The following POLA1 variants were observed in gnomAD, a reference collection of about 807,000 sequenced individuals.
POLA1 encodes DNA polymerase alpha catalytic subunit.
Under a neutral mutation model 124.0 loss-of-function variants are expected in POLA1, and 15 were observed. The ratio of observed to expected loss-of-function variants is 0.12; its 90% CI spans 0.08 to 0.19. POLA1 has a LOEUF of 0.19. Ranked by LOEUF, POLA1 falls within the 10% of genes least tolerant of loss-of-function variation. The pLI is 1.00. For missense variants in POLA1, 886 were observed against 1,103.4 expected (o/e 0.80, Z 2.79); for synonymous variants, 408 against 389.4 (o/e 1.05, Z -0.56).
chrX:24,812,762 T>C lies in POLA1; in HGVS notation c.3195T>C (p.Val1065=), dbSNP rs1016508756. 6 of 1,202,454 alleles carry C rather than the reference T, an allele frequency of 5.0e-6. No homozygotes were observed. Among genetic ancestry groups the C allele is most frequent in the Non-Finnish European group, 6.8e-6 (6 of 886,933 alleles). ...LLKKKKYAAL[V]VEPTSDGNYV... ...AAAAAAAGAAGTACGCTGCTCTGGT[T>C]GTTGAGCCAACGTCGGATGGGAATT... The change falls in exon 29 of 37, where the codon GTT becomes GTC. Residue 1065 remains valine, a synonymous_variant. Coordinates refer to ENST00000379068, the MANE Select transcript of POLA1 (RefSeq NM_001330360.2).
At chrX:24,786,599 C>T (rs1324775468) in intron 26 of POLA1, among the ~76,000 whole-genome samples, 2 of 108,748 alleles carry the variant, frequency 1.8e-5, no homozygotes, top group African/African-American at 3.4e-5. Context: ...GCCTCAAACT[C>T]CTGGACTCAA....
chrX:24,768,104 A>G (rs1283861691), intron 26 of POLA1, among the ~76,000 whole-genome samples: 3 of 112,360 alleles, frequency 2.7e-5, no homozygotes, highest in East Asian at 2.8e-4. Context: ...ATAGTGTTGT[A>G]TCTTCACAGT....
intron 26 of POLA1, among the ~76,000 whole-genome samples, chrX:24,754,933 T>C (rs756249527): frequency 8.9e-6 from 1 of 112,848 alleles, no homozygotes; most frequent in South Asian, 3.6e-4. Flanking sequence ...ACAGTGTATT[T>C]TTTAATTCTG....
chrX:24,722,615 A>G (rs1457205588), intron 10 of POLA1, among the ~76,000 whole-genome samples: 4 of 113,005 alleles, frequency 3.5e-5, no homozygotes, highest in African/African-American at 1.3e-4. Flanking sequence ...TGGTTTTTAT[A>G]GGTAAATACA....
chrX:24,864,335 T>A lies in POLA1; in HGVS notation c.4047+20658T>A, dbSNP rs1483766511. On this transcript the variant is annotated intron_variant, in intron 34 of 36. Coordinates refer to ENST00000379068, the MANE Select transcript of POLA1 (RefSeq NM_001330360.2). ...TCTTTGTGGGTTAGATTATAGTGTA[T>A]GTAAGCCAAATGAATTTGAGCAAAT... Among the ~76,000 whole-genome samples, 9 of 112,100 alleles carry A rather than the reference T, an allele frequency of 8.0e-5. No homozygotes were observed. In the East Asian group the frequency reaches 2.5e-3, roughly 31 times the overall value.
chrX:24,879,517 C>A (rs1025618676), intron 34 of POLA1, among the ~76,000 whole-genome samples: 5 of 112,013 alleles, frequency 4.5e-5, no homozygotes, highest in Non-Finnish European at 7.5e-5. Context: ...ATCTTGTATT[C>A]TTGTTATTTG....
At position 24,978,324 on chromosome X, in the gene POLA1, C is replaced by T. The variant is rs745372853; in HGVS notation, c.4262-17481C>T. On this transcript the variant is annotated intron_variant, in intron 36 of 36. Coordinates refer to ENST00000379068, the MANE Select transcript of POLA1 (RefSeq NM_001330360.2). The stretch of plus-strand genomic sequence containing the variant: ...ACTTCTGTGTGTACTATCCTTTGAA[C>T]GTTCAAAGGCCTCACAATATTTGTA... 6.3e-5 allele frequency among the ~76,000 whole-genome samples: 7 copies of T among 111,687 alleles called. No homozygotes were observed. The East Asian group carries it at 2.0e-3, about 31-fold the overall frequency.
At position 24,693,970 on chromosome X, in the gene POLA1, T is replaced by A; in HGVS notation, c.9T>A (p.Pro3=). MA[P]VHGDDCEIGA... ...TCGGGAGATTCGGGACCATGGCACC[T>A]GTGCACGGCGACGACTGTGAGATAG... The change falls in exon 1 of 37, where the codon CCT becomes CCA. Residue 3 remains proline (P), a synonymous_variant. Coordinates refer to ENST00000379068, the MANE Select transcript of POLA1 (RefSeq NM_001330360.2). The A allele has an allele frequency of 8.4e-7, 1 of 1,195,232 alleles. No individual in the cohort carries two copies.
chrX:24,928,800 C>T (rs560254913), intron 35 of POLA1, among the ~76,000 whole-genome samples: 9 of 111,264 alleles, frequency 8.1e-5, no homozygotes, highest in Admixed American at 2.9e-4. Flanking sequence ...AATCAGGATT[C>T]GCTAAAAATA....
chrX:24,818,915 C>T (rs2046039034), intron 30 of POLA1, among the ~76,000 whole-genome samples: 1 of 111,879 alleles, frequency 8.9e-6, no homozygotes, highest in African/African-American at 3.2e-5. Context: ...GGAAGAAATC[C>T]AGTTTAACCC....
Position 24,967,827 on chromosome X carries a change from G to T in POLA1, c.4262-27978G>T, listed in dbSNP as rs146640494. 4.1e-3 allele frequency among the ~76,000 whole-genome samples: 457 copies of T among 111,293 alleles called. 1 individual carries two copies. Among genetic ancestry groups the T allele is most frequent in the Admixed American group, 7.7e-3 (81 of 10,515 alleles). ...TGCGGACACCACTAGCTGTGCCTGG[G>T]GTGAGTTAGCTGGGACCCTTTTCAC... On this transcript the variant is annotated intron_variant, in intron 36 of 36. Coordinates refer to ENST00000379068, the MANE Select transcript of POLA1 (RefSeq NM_001330360.2).
intron 36 of POLA1, among the ~76,000 whole-genome samples, chrX:24,941,631 A>G (rs753399524): frequency 8.9e-5 from 10 of 112,318 alleles, no homozygotes; most frequent in Non-Finnish European, 1.3e-4. Context: ...CCCATCATCA[A>G]TTTGACTCAT....
At chrX:24,738,567 T>C (rs1233043303) in intron 19 of POLA1, among the ~76,000 whole-genome samples, 2 of 111,929 alleles carry the variant, frequency 1.8e-5, no homozygotes, top group Non-Finnish European at 3.8e-5. Context: ...TTATAGACAG[T>C]CTCATAGGGG....
chrX:24,907,890 G>T (rs1195685991), intron 35 of POLA1, among the ~76,000 whole-genome samples: 4 of 111,853 alleles, frequency 3.6e-5, no homozygotes, highest in African/African-American at 1.3e-4. Context: ...GTCTGATGAG[G>T]TTTTCAATGT....
intron 24 of POLA1, among the ~76,000 whole-genome samples, chrX:24,746,619 T>G (rs11573369): frequency 8.9e-6 from 1 of 112,346 alleles, no homozygotes; most frequent in Admixed American, 9.4e-5. Context: ...AGGAGTGGAT[T>G]GTAAACTTCC....
chrX:24,810,385 C>A (rs1275628266), intron 27 of POLA1, among the ~76,000 whole-genome samples: 1 of 111,319 alleles, frequency 9.0e-6, no homozygotes, highest in African/African-American at 3.3e-5. Flanking sequence ...ATATAGACCC[C>A]ATTTCCTAGT....
At chrX:24,838,156 T>C (rs2046366032) in intron 32 of POLA1, among the ~76,000 whole-genome samples, 1 of 112,011 alleles carries the variant, frequency 8.9e-6, no homozygotes, top group African/African-American at 3.2e-5. Context: ...ACAGTACTGC[T>C]AAACTCATAC....
At chrX:24,934,926 T>C (rs1478968234) in intron 36 of POLA1, among the ~76,000 whole-genome samples, 1 of 111,725 alleles carries the variant, frequency 9.0e-6, no homozygotes, top group African/African-American at 3.3e-5. Context: ...TTTCACCATG[T>C]TGGTCAGGTG....
chrX:24,923,880 C>T (rs2047654456), intron 35 of POLA1, among the ~76,000 whole-genome samples: 1 of 111,221 alleles, frequency 9.0e-6, no homozygotes, highest in Admixed American at 9.6e-5. Context: ...AGATAGAAAA[C>T]TAAGTAATTG....
Sources: allele counts gnomAD v4.1 joint callset (sites outside exome capture counted in the v4.1 genomes callset), GRCh38; gene constraint gnomAD v4.1.1; transcripts MANE v1.5; gene names NCBI Gene and HGNC (gene_info 2026-07-23, HGNC 2026-07-21).